Variants in ASAP1 observed in about 807,000 individuals in gnomAD.
ASAP1 encodes ArfGAP with SH3 domain, ankyrin repeat and PH domain 1, also known as arf-GAP with SH3 domain, ANK repeat and PH domain-containing protein 1.
A neutral mutation model predicts 145.2 loss-of-function variants in ASAP1; 43 were observed. The observed-to-expected ratio is 0.30, with a 90% CI of 0.23 to 0.38. The LOEUF is 0.38. Among genes scored for constraint, ASAP1 ranks in the 10% least tolerant of loss-of-function variants. The pLI, the probability that ASAP1 is intolerant of heterozygous loss-of-function variation, is 1.00. For synonymous variants in ASAP1, 546 were observed against 515.5 expected, an observed-to-expected ratio of 1.06 and a Z score of -0.80; for missense variants, 1,018 against 1,355.3, an observed-to-expected ratio of 0.75 and a Z score of 3.91.
chr8:130,121,662 T>G (rs2097566121), intron 18 of ASAP1, among the ~76,000 whole-genome samples: 1 of 151,790 alleles, frequency 6.6e-6, no homozygotes, highest in African/African-American at 2.4e-5. Context: ...CGCATGCCTG[T>G]AATCCCAGCT....
chr8:130,388,926 T>C (rs756156256), intron 2 of ASAP1, among the ~76,000 whole-genome samples: 3 of 152,238 alleles, frequency 2.0e-5, no homozygotes, highest in Non-Finnish European at 4.4e-5. Flanking sequence ...GTTCCACTTC[T>C]GCCACTGACC....
At chr8:130,355,420 C>T (rs1419879253) in intron 3 of ASAP1, among the ~76,000 whole-genome samples, 1 of 152,124 alleles carries the variant, frequency 6.6e-6, no homozygotes, top group African/African-American at 2.4e-5. Context: ...CTTACTAGAA[C>T]TAGGAAAATG....
intron 1 of ASAP1, among the ~76,000 whole-genome samples, chr8:130,424,928 G>C (rs1829858650): frequency 6.7e-6 from 1 of 149,992 alleles, no homozygotes; most frequent in African/African-American, 2.5e-5. Context: ...GGGAGGCAGA[G>C]GTTGCAGTGA....
At chr8:130,092,198 A>G in intron 24 of ASAP1, 55 bp from the exon 25 acceptor site, 8 of 1,521,028 alleles carry the variant, frequency 5.3e-6, no homozygotes, top group Non-Finnish European at 7.0e-6. Flanking sequence ...CACAGATACA[A>G]AACAGCCAGT....
intron 3 of ASAP1, among the ~76,000 whole-genome samples, chr8:130,327,218 GAACA>G (rs1422003053): frequency 6.6e-6 from 1 of 152,196 alleles, no homozygotes; most frequent in Non-Finnish European, 1.5e-5. Flanking sequence ...GGCACTATGT[GAACA>G]GCTGGTGATA....
At chr8:130,415,800 A>G (rs1282484820) in intron 1 of ASAP1, among the ~76,000 whole-genome samples, 1 of 151,220 alleles carries the variant, frequency 6.6e-6, no homozygotes, top group Non-Finnish European at 1.5e-5. Context: ...AAAAAAAACT[A>G]CAGGAAAATA....
intron 13 of ASAP1, among the ~76,000 whole-genome samples, chr8:130,148,516 A>C (rs1474686232): frequency 6.6e-6 from 1 of 152,230 alleles, no homozygotes; most frequent in Non-Finnish European, 1.5e-5. Context: ...TTGAAGATGA[A>C]GTGCAGGGTG....
rs149118172 is a variant in ASAP1 at position 130,101,188 on chromosome 8, T to C, written c.2402-9045A>G. Among the ~76,000 whole-genome samples the C allele has an allele frequency of 2.8e-3, 432 of 152,348 alleles. 1 individual carries two copies. Among genetic ancestry groups the C allele is most frequent in the African/African-American group, 0.01 (418 of 41,570 alleles). ...AGCTGTTCTGGTTACTATAGCTTTG[T>C]AGTATATTTTGAAGTCAAGTAGTGT... On this transcript the variant is annotated intron_variant, in intron 24 of 29. Transcript: ENST00000518721.
At chr8:130,279,995 T>C (rs879797460) in intron 3 of ASAP1, among the ~76,000 whole-genome samples, 5 of 152,334 alleles carry the variant, frequency 3.3e-5, no homozygotes, top group Admixed American at 6.5e-5. Context: ...TTCAGCAACT[T>C]TGTACTGTTT....
At chr8:130,363,373 AAAAAT>A (rs140424638) in intron 2 of ASAP1, among the ~76,000 whole-genome samples, 15,197 of 152,124 alleles carry the variant, frequency 0.1, 883 homozygotes, top group South Asian at 0.27. Flanking sequence ...TTTTTTAATA[AAAAAT>A]AAAATAAATT....
chr8:130,057,552 G>A (rs2097406913), intron 29 of ASAP1, among the ~76,000 whole-genome samples: 2 of 152,188 alleles, frequency 1.3e-5, no homozygotes, highest in Non-Finnish European at 1.5e-5. Context: ...GGGTTCAAGC[G>A]ATTCTCCTGC....
chr8:130,107,593 G>A (rs2135548803), intron 24 of ASAP1, among the ~76,000 whole-genome samples: 1 of 150,966 alleles, frequency 6.6e-6, no homozygotes, highest in South Asian at 2.1e-4. Flanking sequence ...TGTCGCCCGG[G>A]CTGAAGTGCA....
intron 5 of ASAP1, among the ~76,000 whole-genome samples, chr8:130,197,890 T>C (rs1815608461): frequency 6.6e-6 from 1 of 152,140 alleles, no homozygotes; most frequent in Non-Finnish European, 1.5e-5. Flanking sequence ...AGGGGAGTGT[T>C]AAGTGAAAAT....
intron 1 of ASAP1, among the ~76,000 whole-genome samples, chr8:130,407,496 A>G (rs140456925): frequency 6.6e-6 from 1 of 152,340 alleles, no homozygotes; most frequent in Non-Finnish European, 1.5e-5. Flanking sequence ...CGCTCAATAA[A>G]TATCTGTCGA....
At chr8:130,074,480 CACACACAG>C (rs1424539277) in intron 27 of ASAP1, among the ~76,000 whole-genome samples, 23 of 148,682 alleles carry the variant, frequency 1.5e-4, no homozygotes, top group African/African-American at 5.7e-4. Context: ...CACACACACA[CACACACAG>C]AGAGAACGAG....
intron 3 of ASAP1, among the ~76,000 whole-genome samples, chr8:130,340,451 T>C (rs983325549): frequency 6.6e-6 from 1 of 152,178 alleles, no homozygotes; most frequent in Non-Finnish European, 1.5e-5. Context: ...AATCACTCTG[T>C]CTCCCTTCAT....
chr8:130,325,414 ACAC>A (rs1414737326), intron 3 of ASAP1, among the ~76,000 whole-genome samples: 1 of 152,210 alleles, frequency 6.6e-6, no homozygotes, highest in Non-Finnish European at 1.5e-5. Context: ...TTTGGTAACC[ACAC>A]CACAAGTATC....
intron 3 of ASAP1, among the ~76,000 whole-genome samples, chr8:130,322,363 T>C (rs1824061032): frequency 6.6e-6 from 1 of 151,572 alleles, no homozygotes; most frequent in Non-Finnish European, 1.5e-5. Context: ...TAGATGCAAA[T>C]AAATTATGGA....
At chr8:130,157,827 C>T (rs899385744) in intron 12 of ASAP1, among the ~76,000 whole-genome samples, 1 of 152,164 alleles carries the variant, frequency 6.6e-6, no homozygotes, top group African/African-American at 2.4e-5. Flanking sequence ...ATAGCAAGAA[C>T]CACTCCCATC....
Sources: gnomAD v4.1 joint callset for allele counts (sites outside exome capture counted in the v4.1 genomes callset) on GRCh38, gnomAD v4.1.1 for gene constraint, MANE v1.5 for transcripts, NCBI Gene and HGNC (gene_info 2026-07-23, HGNC 2026-07-21) for gene names.